Variants in CFAP91 observed in about 807,000 individuals in gnomAD.
CFAP91 encodes cilia and flagella associated protein 91.
CFAP91 carries 85 observed loss-of-function variants against 95.9 expected under a neutral mutation model. The observed-to-expected ratio is 0.89, with a 90% CI of 0.74 to 1.06. CFAP91 has a LOEUF of 1.06. CFAP91 is among the 50% of genes least tolerant of loss of function. The probability of loss-of-function intolerance (pLI) is 0.00; values close to 1 mark genes in which losing one functional copy is unlikely to be tolerated. For synonymous variants in CFAP91, 335 were observed against 327.5 expected (o/e 1.02, Z -0.25); for missense variants, 962 against 943.4 (o/e 1.02, Z -0.26).
chr3:119,747,973 T>C, intron 16 of CFAP91, 71 bp downstream of exon 16: 1 of 1,209,398 alleles, frequency 8.3e-7, no homozygotes, highest in South Asian at 1.3e-5. Context: ...CCCAGAGATT[T>C]AAAATTAAAC....
At chr3:119,731,162 A>C (rs1482083075) in intron 8 of CFAP91, among the ~76,000 whole-genome samples, 1 of 152,208 alleles carries the variant, frequency 6.6e-6, no homozygotes, top group Admixed American at 6.5e-5. Flanking sequence ...GCTTGAGCCC[A>C]GGAGCTCAAG....
intron 17 of CFAP91, 48 bp from the exon 18 acceptor site, chr3:119,765,004 T>C (rs2054603651): frequency 6.6e-6 from 1 of 152,188 alleles, no homozygotes; most frequent in African/African-American, 2.4e-5. Context: ...TGATAATGTT[T>C]CTAAAAGATG....
intron 14 of CFAP91, among the ~76,000 whole-genome samples, 179 bp downstream of exon 14, chr3:119,744,375 C>T (rs1399625355): frequency 3.3e-5 from 5 of 152,216 alleles, no homozygotes; most frequent in Admixed American, 6.5e-5. Context: ...GACACGATCC[C>T]GTCTCTCCTA....
At chr3:119,729,026 A>G (rs9851058) in intron 7 of CFAP91, among the ~76,000 whole-genome samples, 2,508 of 152,334 alleles carry the variant, frequency 0.016, 61 homozygotes, top group African/African-American at 0.057. Flanking sequence ...TGACAAATGA[A>G]TAAGTGAATA....
At chr3:119,733,202 G>C (rs2053936408) in intron 9 of CFAP91, among the ~76,000 whole-genome samples, 162 bp from the exon 10 acceptor site, 1 of 152,226 alleles carries the variant, frequency 6.6e-6, no homozygotes, top group Non-Finnish European at 1.5e-5. Flanking sequence ...ATATGGAAAT[G>C]TGCTATTACA....
intron 1 of CFAP91, among the ~76,000 whole-genome samples, chr3:119,705,082 A>G (rs2053332468): frequency 6.6e-6 from 1 of 152,112 alleles, no homozygotes; most frequent in Admixed American, 6.6e-5. Flanking sequence ...ACACATCTCT[A>G]TGCTTGCTTC....
chr3:119,729,284 T>C (rs2053848094), intron 7 of CFAP91, among the ~76,000 whole-genome samples: 1 of 151,436 alleles, frequency 6.6e-6, no homozygotes, highest in South Asian at 2.1e-4. Context: ...ATGAGTAGGG[T>C]TTTGTTTTGT....
intron 4 of CFAP91, among the ~76,000 whole-genome samples, chr3:119,709,245 A>T (rs2053431053): frequency 6.6e-6 from 1 of 152,242 alleles, no homozygotes; most frequent in Admixed American, 6.5e-5. Flanking sequence ...GTTAGAAAAA[A>T]TAGTCTTGAT....
intron 11 of CFAP91, among the ~76,000 whole-genome samples, chr3:119,738,330 GTC>G (rs2054048938): frequency 1.3e-4 from 3 of 23,734 alleles, no homozygotes; most frequent in African/African-American, 1.8e-4. Flanking sequence ...TTGACATATT[GTC>G]TTTTTTTTTT....
Position 119,747,795 on chromosome 3 carries a change from G to A in CFAP91, c.2052-16G>A, listed in dbSNP as rs750466551. On this transcript the variant is annotated splice_polypyrimidine_tract_variant and intron_variant, in intron 15 of 17. Coordinates refer to ENST00000273390, the MANE Select transcript of CFAP91 (RefSeq NM_033364.4). ...AAAAACCAAAGAAATAATTCAATTT[G>A]TTTTATATTTTTTAGCCGAACCTAT... 1.1e-5 allele frequency: 18 copies of A among 1,604,030 alleles called. No homozygotes were observed. The South Asian group carries it at 2.0e-4, about 18-fold the overall frequency.
At chr3:119,725,967 C>T (rs7649166) in intron 6 of CFAP91, among the ~76,000 whole-genome samples, 148,077 of 152,246 alleles carry the variant, frequency 0.97, 72,133 homozygotes, top group Middle Eastern at 1. Context: ...AAATGTCTTA[C>T]GGCTCAATTA....
Position 119,744,213 on chromosome 3 carries a change from G to A in CFAP91, c.1902+17G>A. ...TTTAAGGAGGCAAGTAGGGGCAGCT[G>A]GGTGTGTGGAAGCTGCCTAGAAGGA... On this transcript the variant is annotated intron_variant, in intron 14 of 17. Transcript: ENST00000273390. 6.3e-7 allele frequency: 1 copy of A among 1,588,708 alleles called. No homozygotes were observed. The highest frequency in any genetic ancestry group is 8.6e-7 in the Non-Finnish European group (1 of 1,162,738).
chr3:119,710,221 C>G, intron 5 of CFAP91: 1 of 198,798 alleles, frequency 5.0e-6, no homozygotes, highest in Non-Finnish European at 1.0e-5. Flanking sequence ...ATTTGTGCTG[C>G]TATAACAAAT....
intron 17 of CFAP91, chr3:119,752,363 A>T (rs569967559): frequency 4.6e-5 from 7 of 152,352 alleles, no homozygotes; most frequent in Non-Finnish European, 1.0e-4. Context: ...AGGAGGGTTG[A>T]GATGAGAGGG....
intron 15 of CFAP91, 53 bp from the exon 16 acceptor site, chr3:119,747,758 C>A: frequency 6.9e-7 from 1 of 1,455,022 alleles, no homozygotes; most frequent in Non-Finnish European, 9.5e-7. Flanking sequence ...CATAAATCAG[C>A]AGCTCAAGTG....
At chr3:119,703,320 AC>A in intron 1 of CFAP91, 98 bp downstream of exon 1, 1 of 1,539,238 alleles carries the variant, frequency 6.5e-7, no homozygotes, top group South Asian at 1.2e-5. Context: ...CGAACGAAAC[AC>A]GACCCTCTGG....
At chr3:119,713,286 A>AT (rs2053509645) in intron 5 of CFAP91, 1 of 151,316 alleles carries the variant, frequency 6.6e-6, no homozygotes. Context: ...CACCCAGCTA[A>AT]TTTTTTGTAT....
At chr3:119,741,260 T>C (rs1475578579) in intron 13 of CFAP91, among the ~76,000 whole-genome samples, 6 of 152,210 alleles carry the variant, frequency 3.9e-5, no homozygotes, top group Non-Finnish European at 8.8e-5. Context: ...AACTTTAAGA[T>C]TTTTTTCCTT....
At chr3:119,728,804 A>T (rs1022082375) in intron 7 of CFAP91, among the ~76,000 whole-genome samples, 1 of 152,126 alleles carries the variant, frequency 6.6e-6, no homozygotes, top group African/African-American at 2.4e-5. Context: ...TCCTCTAAGG[A>T]AGGCTTCCCC....
Sources: allele counts gnomAD v4.1 joint callset (sites outside exome capture counted in the v4.1 genomes callset), GRCh38; gene constraint gnomAD v4.1.1; transcripts MANE v1.5; gene names NCBI Gene and HGNC (gene_info 2026-07-23, HGNC 2026-07-21).